PCDHGA2: variants seen among roughly 807,000 people sequenced by gnomAD.
The protein encoded by PCDHGA2 is protocadherin gamma-A2.
PCDHGA2 carries 40 observed loss-of-function variants against 59.2 expected under a neutral mutation model. The ratio of observed to expected loss-of-function variants is 0.68; its 90% CI spans 0.52 to 0.88. The LOEUF (loss-of-function observed/expected upper bound fraction) is 0.88, where lower values mean the gene tolerates loss of function less well. PCDHGA2 is among the 40% of genes least tolerant of loss of function. PCDHGA2 has a pLI of 0.00. For synonymous variants in PCDHGA2, 560 were observed against 526.0 expected, an observed-to-expected ratio of 1.06 and a Z score of -0.89; for missense variants, 1,226 against 1,204.0, an observed-to-expected ratio of 1.02 and a Z score of -0.27.
chr5:141,401,467 G>A (rs1248119954), intron 1 of PCDHGA2, among the ~76,000 whole-genome samples: 1 of 152,196 alleles, frequency 6.6e-6, no homozygotes, highest in Non-Finnish European at 1.5e-5. Context: ...AATTTTCTAA[G>A]TTTATCCAGG....
intron 1 of PCDHGA2, chr5:141,383,437 C>T (rs965503415): frequency 6.3e-5 from 101 of 1,613,860 alleles, no homozygotes; most frequent in Non-Finnish European, 8.4e-5. Flanking sequence ...CCACTTCTCC[C>T]TGGCTGTGCA....
chr5:141,455,149 TTA>T (rs537241375), intron 1 of PCDHGA2, among the ~76,000 whole-genome samples: 1 of 148,248 alleles, frequency 6.7e-6, no homozygotes, highest in Non-Finnish European at 1.5e-5. Context: ...TAAATAAATA[TTA>T]GTTTGTTGGT....
Position 141,393,014 on chromosome 5 carries a change from C to T in PCDHGA2, c.2424+51619C>T, listed in dbSNP as rs761990025. The T allele has an allele frequency of 1.9e-6, 3 of 1,613,736 alleles. No homozygotes were observed. The African/African-American group carries it at 4.0e-5, about 22-fold the overall frequency. On this transcript the variant is annotated intron_variant, in intron 1 of 3. Transcript: ENST00000394576. ...TGGCGAAGCACGGAGTCCGTATCGT[C>T]TCCAGAGGTAGGACGCAGCTCTTTG... is the stretch of plus-strand genomic sequence containing the variant.
At chr5:141,416,210 A>G (rs1264276644) in intron 1 of PCDHGA2, 2 of 152,420 alleles carry the variant, frequency 1.3e-5, no homozygotes, top group African/African-American at 4.8e-5. Flanking sequence ...TATTTATAAC[A>G]ATGTATGCTT....
At chr5:141,386,383 A>C (rs980668572) in intron 1 of PCDHGA2, among the ~76,000 whole-genome samples, 5 of 152,206 alleles carry the variant, frequency 3.3e-5, no homozygotes, top group Admixed American at 2.6e-4. Context: ...GTATTAATTA[A>C]AAACACACTT....
intron 1 of PCDHGA2, among the ~76,000 whole-genome samples, chr5:141,482,144 G>C (rs564178008): frequency 1.3e-4 from 20 of 151,858 alleles, no homozygotes; most frequent in Admixed American, 9.8e-4. Flanking sequence ...GGCATAAAAA[G>C]GTCAAGTCAA....
intron 3 of PCDHGA2, 93 bp downstream of exon 3, chr5:141,505,574 C>G: frequency 6.3e-7 from 1 of 1,593,636 alleles, no homozygotes; most frequent in South Asian, 1.1e-5. Flanking sequence ...GGATGTCAAA[C>G]CTGTGTAGTT....
chr5:141,382,263 T>C (rs1447947679), intron 1 of PCDHGA2, among the ~76,000 whole-genome samples: 1 of 152,242 alleles, frequency 6.6e-6, no homozygotes, highest in Non-Finnish European at 1.5e-5. Flanking sequence ...TCATGGTGTC[T>C]AGAACATATG....
intron 1 of PCDHGA2, chr5:141,389,157 C>G: frequency 6.2e-7 from 1 of 1,613,976 alleles, no homozygotes; most frequent in African/African-American, 1.3e-5. Flanking sequence ...GGCAACAGAT[C>G]GGGGCAAGCC....
intron 1 of PCDHGA2, among the ~76,000 whole-genome samples, chr5:141,446,545 C>T (rs903831454): frequency 4.6e-5 from 7 of 151,914 alleles, no homozygotes; most frequent in African/African-American, 1.7e-4. Context: ...GGCCCTATCT[C>T]TGCTCACTGC....
At chr5:141,405,457 T>TC in intron 1 of PCDHGA2, 3 of 1,256,668 alleles carry the variant, frequency 2.4e-6, no homozygotes, top group South Asian at 1.4e-5. Context: ...TCTTACTCTG[T>TC]TACCCAGGCT....
At chr5:141,375,730 C>T in intron 1 of PCDHGA2, 3 of 1,614,266 alleles carry the variant, frequency 1.9e-6, no homozygotes, top group Non-Finnish European at 2.5e-6. Context: ...TGTCACTGAG[C>T]CTGTTTGTGC....
intron 1 of PCDHGA2, chr5:141,374,130 T>G (rs368568776): frequency 1.2e-5 from 20 of 1,604,086 alleles, no homozygotes; most frequent in African/African-American, 2.7e-5. Context: ...CAGGTCCTGC[T>G]CCTCACGCTC....
At chr5:141,403,390 G>A in intron 1 of PCDHGA2, 1 of 1,614,038 alleles carries the variant, frequency 6.2e-7, no homozygotes, top group Non-Finnish European at 8.5e-7. Context: ...ACGAAATCGC[G>A]GTTCCTGGAG....
chr5:141,415,740 GTTTTTTTTTTT>G lies in PCDHGA2; in HGVS notation c.2424+74367_2424+74377del, dbSNP rs57426385. On this transcript the variant is annotated intron_variant, in intron 1 of 3. Transcript: ENST00000394576. ...TGAGTAGAATTTGATGTTTATTAAGGTTTTTTTTTTTTTTTTTTTTTTTTTTTTTTTTACTT... is the reference window on the plus strand; with the variant it reads ...TGAGTAGAATTTGATGTTTATTAAGGTTTTTTTTTTTTTTTTTTTTTACTT... 695 of 624,702 alleles carry G rather than the reference GTTTTTTTTTTT, an allele frequency of 1.1e-3. 1 individual carries two copies. Among genetic ancestry groups the G allele is most frequent in the East Asian group, 1.8e-3 (27 of 14,732 alleles). 38.7% of individuals were successfully genotyped at this position (624,702 alleles called of 1,614,324 possible).
At position 141,438,611 on chromosome 5, in the gene PCDHGA2, TATATATATATATATATATATATATACAC is replaced by T. The variant is rs1434670383; in HGVS notation, c.2425-56194_2425-56167del. On this transcript the variant is annotated intron_variant, in intron 1 of 3. Transcript: ENST00000394576. ...ACATACATATATATATATATATATA[TATATATATATATATATATATATATACAC>T]ACACACACACACATATATGTATATA... Among the ~76,000 whole-genome samples the T allele has an allele frequency of 2.7e-3, 107 of 39,370 alleles. 2 individuals are homozygous for T. Among genetic ancestry groups the T allele is most frequent in the Admixed American group, 0.019 (57 of 3,044 alleles). The allele number at this position is 39,370 out of a possible 152,430, so 25.8% of individuals were successfully genotyped here.
chr5:141,349,295 C>T (rs1758269433), intron 1 of PCDHGA2, among the ~76,000 whole-genome samples: 1 of 152,174 alleles, frequency 6.6e-6, no homozygotes, highest in South Asian at 2.1e-4. Context: ...GTCTCAAACT[C>T]CTGACCTCAT....
chr5:141,375,253 C>G, intron 1 of PCDHGA2: 1 of 1,613,916 alleles, frequency 6.2e-7, no homozygotes, highest in Non-Finnish European at 8.5e-7. Flanking sequence ...CGAGAAGTCT[C>G]CCATTTGAAT....
intron 1 of PCDHGA2, among the ~76,000 whole-genome samples, chr5:141,397,443 A>G (rs1307784938): frequency 6.6e-6 from 1 of 152,244 alleles, no homozygotes; most frequent in African/African-American, 2.4e-5. Flanking sequence ...TATGTGTAAT[A>G]TAAAACACTA....
Sources: allele counts gnomAD v4.1 joint callset (sites outside exome capture counted in the v4.1 genomes callset), GRCh38; gene constraint gnomAD v4.1.1; transcripts MANE v1.5; gene names NCBI Gene and HGNC (gene_info 2026-07-23, HGNC 2026-07-21).